The following ZFHX3 variants were observed in gnomAD, a reference collection of about 807,000 sequenced individuals.
ZFHX3 encodes zinc finger homeobox protein 3.
Under a neutral mutation model 279.1 loss-of-function variants are expected in ZFHX3, and 42 were observed. The observed-to-expected ratio is 0.15, with a 90% CI of 0.12 to 0.19. ZFHX3 has a LOEUF of 0.19. ZFHX3 is among the 10% of genes least tolerant of loss of function. The pLI, the probability that ZFHX3 is intolerant of heterozygous loss-of-function variation, is 1.00. For synonymous variants in ZFHX3, 2,293 were observed against 1,957.8 expected (o/e 1.17, Z -4.52); for missense variants, 4,981 against 4,754.0 (o/e 1.05, Z -1.40).
At chr16:72,971,037 C>T (rs1055372137) in intron 1 of ZFHX3, among the ~76,000 whole-genome samples, 1 of 152,140 alleles carries the variant, frequency 6.6e-6, no homozygotes, top group South Asian at 2.1e-4. Flanking sequence ...GTTTTTCGGG[C>T]TTTTTTCCTC....
At chr16:73,099,728 A>AAAAG (rs1966208475) in intron 7 of ZFHX3, among the ~76,000 whole-genome samples, 4 of 147,218 alleles carry the variant, frequency 2.7e-5, no homozygotes, top group African/African-American at 1.0e-4. Flanking sequence ...AAAAAAAAAA[A>AAAAG]AGAGAGAGAG....
intron 3 of ZFHX3, among the ~76,000 whole-genome samples, chr16:72,938,950 T>G (rs1960268951): frequency 6.6e-6 from 1 of 152,052 alleles, no homozygotes; most frequent in Non-Finnish European, 1.5e-5. Context: ...GCCAAATCAC[T>G]CCCCACAGTG....
intron 1 of ZFHX3, among the ~76,000 whole-genome samples, chr16:73,823,920 G>A (rs1960823084): frequency 6.6e-6 from 1 of 152,172 alleles, no homozygotes; most frequent in Non-Finnish European, 1.5e-5. Context: ...CATTTTTAAT[G>A]ACATCTCAGA....
intron 2 of ZFHX3, among the ~76,000 whole-genome samples, chr16:73,535,084 C>T (rs976721824): frequency 6.6e-6 from 1 of 152,122 alleles, no homozygotes; most frequent in African/African-American, 2.4e-5. Flanking sequence ...AGCCGATTTC[C>T]CTGGTGTAAA....
chr16:73,760,018 T>A (rs192047157), intron 1 of ZFHX3, among the ~76,000 whole-genome samples: 2,369 of 146,478 alleles, frequency 0.016, 77 homozygotes, highest in African/African-American at 0.055. Context: ...TGTTTTTTTT[T>A]AAAAAAAAAT....
intron 7 of ZFHX3, among the ~76,000 whole-genome samples, chr16:73,108,165 A>AAAC (rs1201065637): frequency 1.3e-5 from 2 of 151,774 alleles, no homozygotes; most frequent in Admixed American, 1.3e-4. Flanking sequence ...CATCTCAAAT[A>AAAC]AACAACAACA....
intron 4 of ZFHX3, among the ~76,000 whole-genome samples, chr16:72,874,884 TCTG>T (rs2038270671): frequency 6.6e-6 from 1 of 152,200 alleles, no homozygotes; most frequent in Admixed American, 6.5e-5. Context: ...TCCCCCACCT[TCTG>T]CTGTCTTCAT....
chr16:73,891,107 C>T (rs1386772048), intron 1 of ZFHX3, among the ~76,000 whole-genome samples: 1 of 151,360 alleles, frequency 6.6e-6, no homozygotes, highest in African/African-American at 2.4e-5. Flanking sequence ...AATCTCTGCC[C>T]TCACACCTCT....
At chr16:72,967,948 A>G (rs1235815759) in intron 1 of ZFHX3, among the ~76,000 whole-genome samples, 1 of 149,210 alleles carries the variant, frequency 6.7e-6, no homozygotes, top group Non-Finnish European at 1.5e-5. Context: ...AAAAAGTTTG[A>G]ATACTAACAG....
chr16:73,533,064 C>A (rs2019835740), intron 2 of ZFHX3, among the ~76,000 whole-genome samples: 1 of 152,074 alleles, frequency 6.6e-6, no homozygotes. Flanking sequence ...ACTAATGCAC[C>A]ACCTCATGAT....
intron 2 of ZFHX3, among the ~76,000 whole-genome samples, chr16:73,489,411 C>G (rs8059173): frequency 0.27 from 40,380 of 152,100 alleles, 6,135 homozygotes; most frequent in African/African-American, 0.42. Flanking sequence ...TCCATAGCTT[C>G]TCTAGATCAT....
chr16:73,598,760 C>G (rs1252269336), intron 2 of ZFHX3, among the ~76,000 whole-genome samples: 1 of 151,076 alleles, frequency 6.6e-6, no homozygotes, highest in Non-Finnish European at 1.5e-5. Flanking sequence ...CAAATACTCT[C>G]TTTTTTGTTT....
chr16:72,813,667 TTTTAATCTGTC>T (rs1229287118), intron 5 of ZFHX3, among the ~76,000 whole-genome samples: 2 of 144,484 alleles, frequency 1.4e-5, no homozygotes, highest in Admixed American at 6.8e-5. Context: ...CATAACAGTA[TTTTAATCTGTC>T]TCGAATCGAC....
chr16:73,205,492 T>C (rs746297013), intron 5 of ZFHX3, among the ~76,000 whole-genome samples: 12 of 152,138 alleles, frequency 7.9e-5, no homozygotes, highest in Admixed American at 4.6e-4. Flanking sequence ...AAGCGAGCAA[T>C]TGGCAAATTG....
At position 73,169,274 on chromosome 16, in the gene ZFHX3, A is replaced by C. The variant is rs1265979929; in HGVS notation, c.-1103-25443T>G. On this transcript the variant is annotated intron_variant, in intron 5 of 17. Transcript: ENST00000641206. Reference sequence around the variant, plus strand: ...AGATATGAGAGATTTGCTGAAATAGACTAAGGGCATACTCTGAACTTTTCC... The same window carrying C: ...AGATATGAGAGATTTGCTGAAATAGCCTAAGGGCATACTCTGAACTTTTCC... 5.9e-5 allele frequency among the ~76,000 whole-genome samples: 9 copies of C among 152,344 alleles called. No homozygotes were observed. The East Asian group carries it at 1.7e-3, about 29-fold the overall frequency.
At position 73,790,123 on chromosome 16, in the gene ZFHX3, G is replaced by A. The variant is rs73602080; in HGVS notation, c.-1608+101528C>T. On this transcript the variant is annotated intron_variant, in intron 1 of 17. Transcript: ENST00000641206. ...ACCAAACTTAGGGACAAATTTAGAG[G>A]AGGGAGAATTGGGTTGGCTGTTCTG... 8.8e-3 allele frequency among the ~76,000 whole-genome samples: 1,338 copies of A among 152,306 alleles called. 21 individuals are homozygous for A. The highest frequency in any genetic ancestry group is 0.03 in the African/African-American group (1,261 of 41,564).
intron 2 of ZFHX3, among the ~76,000 whole-genome samples, chr16:73,642,767 G>A (rs866753986): frequency 6.6e-6 from 1 of 152,222 alleles, no homozygotes; most frequent in South Asian, 2.1e-4. Context: ...TGACAAACGG[G>A]CATGAAATAA....
rs2035289094 is a variant in ZFHX3, at chr16:72,784,844, T to TACA, written c.*2317_*2319dup. On this transcript the variant is annotated 3_prime_UTR_variant, in exon 10 of 10. Transcript: ENST00000268489. ...GTGCATCAGCCTAGTTAGAAATATGTACAACATTTCAGGATCTACTATTTC... is the reference window on the plus strand; with the variant it reads ...GTGCATCAGCCTAGTTAGAAATATGTACAACAACATTTCAGGATCTACTATTTC... The TACA allele has an allele frequency of 6.6e-6, 1 of 152,450 alleles. No individual in the cohort carries two copies. The highest frequency in any genetic ancestry group is 2.4e-5 in the African/African-American group (1 of 41,400). 9.4% of individuals were successfully genotyped at this position (152,450 alleles called of 1,614,324 possible).
At chr16:73,617,180 C>A (rs557997003) in intron 2 of ZFHX3, among the ~76,000 whole-genome samples, 1 of 152,322 alleles carries the variant, frequency 6.6e-6, no homozygotes, top group African/African-American at 2.4e-5. Context: ...AGTCCTGCAA[C>A]TGGGAGGAAG....
Sources: gnomAD v4.1 joint callset for allele counts (sites outside exome capture counted in the v4.1 genomes callset) on GRCh38, gnomAD v4.1.1 for gene constraint, MANE v1.5 for transcripts, NCBI Gene and HGNC (gene_info 2026-07-23, HGNC 2026-07-21) for gene names.